The following ARSB variants were observed in gnomAD, a reference collection of about 807,000 sequenced individuals.
ARSB encodes N-acetylgalactosamine-4-sulfatase.
Under a neutral mutation model 50.9 loss-of-function variants are expected in ARSB, and 41 were observed. The ratio of observed to expected loss-of-function variants is 0.81; its 90% confidence interval spans 0.63 to 1.04. The LOEUF is 1.04. Ranked by LOEUF, ARSB falls within the 50% of genes least tolerant of loss-of-function variation. The pLI is 0.00. For synonymous variants in ARSB, 269 were observed against 284.8 expected (o/e 0.94, Z 0.56); for missense variants, 672 against 693.3 (o/e 0.97, Z 0.35).
chr5:78,849,241 T>C (rs1180023157), intron 5 of ARSB, among the ~76,000 whole-genome samples: 1 of 152,120 alleles, frequency 6.6e-6, no homozygotes, highest in Non-Finnish European at 1.5e-5. Flanking sequence ...TTAATTTTTG[T>C]ATAAGGTGTA....
rs1752333074 is a variant in ARSB, at chr5:78,969,064, G to C, written c.441C>G (p.His147Gln). The C allele has an allele frequency of 6.2e-7, 1 of 1,614,126 alleles. No homozygotes were observed. Residue 147 changes from histidine to glutamine, a missense_variant, in exon 2 of 8, where the codon CAC becomes CAG. Coordinates refer to ENST00000264914, the MANE Select transcript of ARSB (RefSeq NM_000046.5). ...GGCATTCTTTCCGGTACATTCCCAG[G>C]TGCCATTTTCCGACCATATGGGTAG... ...GYTTHMVGKW[H>Q]LGMYRKECLP...
chr5:78,970,528 G>C (rs1561534021), intron 1 of ARSB, among the ~76,000 whole-genome samples: 1 of 152,098 alleles, frequency 6.6e-6, no homozygotes, highest in Admixed American at 6.5e-5. Context: ...TTTTAAGCAA[G>C]TGCAAAACCC....
intron 4 of ARSB, among the ~76,000 whole-genome samples, chr5:78,915,365 A>G (rs1278311190): frequency 2.0e-5 from 3 of 152,146 alleles, no homozygotes; most frequent in African/African-American, 4.8e-5. Flanking sequence ...ACTAAAAGGA[A>G]AACAAGTGAT....
intron 5 of ARSB, among the ~76,000 whole-genome samples, chr5:78,873,603 C>G (rs1042726166): frequency 7.0e-6 from 1 of 143,616 alleles, no homozygotes; most frequent in East Asian, 2.0e-4. Flanking sequence ...TCACGCCATT[C>G]TCCTGCCTCA....
At chr5:78,917,507 T>C (rs1267484748) in intron 4 of ARSB, among the ~76,000 whole-genome samples, 1 of 152,006 alleles carries the variant, frequency 6.6e-6, no homozygotes, top group East Asian at 1.9e-4. Flanking sequence ...ATTGTGTTTG[T>C]TTTATTTTAT....
chr5:78,822,461 T>C lies in ARSB; in HGVS notation c.1213+16895A>G, dbSNP rs970143620. On this transcript the variant is annotated intron_variant, in intron 6 of 7. Coordinates refer to ENST00000264914, the MANE Select transcript of ARSB (RefSeq NM_000046.5). ...GTTTAGGCCCAGGAGACCTTCAGCC[T>C]GATCAGTGTTGCTTTGTTGCCTTTT... Among the ~76,000 whole-genome samples the C allele has an allele frequency of 3.3e-5, 5 of 152,354 alleles. No homozygotes were observed. In the East Asian group the frequency reaches 9.6e-4, roughly 29 times the overall value.
At chr5:78,967,621 C>T (rs1282108657) in intron 2 of ARSB, among the ~76,000 whole-genome samples, 3 of 150,414 alleles carry the variant, frequency 2.0e-5, no homozygotes, top group African/African-American at 7.4e-5. Flanking sequence ...TGCAGTGAGC[C>T]GAGATCATGA....
intron 4 of ARSB, among the ~76,000 whole-genome samples, chr5:78,894,218 T>C (rs1046717344): frequency 1.3e-5 from 2 of 152,130 alleles, no homozygotes; most frequent in East Asian, 3.8e-4. Context: ...AAAGAACAGG[T>C]GTACTAACAA....
intron 5 of ARSB, among the ~76,000 whole-genome samples, chr5:78,870,534 C>G (rs1244645542): frequency 6.7e-6 from 1 of 149,456 alleles, no homozygotes; most frequent in Non-Finnish European, 1.5e-5. Flanking sequence ...AAATGTAATC[C>G]AGCATATAAA....
intron 6 of ARSB, among the ~76,000 whole-genome samples, chr5:78,803,021 G>T (rs1743451036): frequency 6.6e-6 from 1 of 152,182 alleles, no homozygotes; most frequent in South Asian, 2.1e-4. Flanking sequence ...TAAAGAGAAG[G>T]GGGACTGTTT....
At chr5:78,932,311 G>A (rs904865796) in intron 4 of ARSB, among the ~76,000 whole-genome samples, 11 of 152,186 alleles carry the variant, frequency 7.2e-5, no homozygotes, top group Admixed American at 2.0e-4. Flanking sequence ...TCAAGGCAAC[G>A]CTAACCTTTC....
chr5:78,900,079 G>C (rs1310074700), intron 4 of ARSB, among the ~76,000 whole-genome samples: 4 of 146,422 alleles, frequency 2.7e-5, no homozygotes, highest in African/African-American at 5.5e-5. Flanking sequence ...TGTCCCAAAT[G>C]GGGGAGTCAC....
intron 4 of ARSB, among the ~76,000 whole-genome samples, chr5:78,893,199 C>T (rs1748400268): frequency 6.6e-6 from 1 of 152,100 alleles, no homozygotes; most frequent in East Asian, 1.9e-4. Context: ...TTTGTTCTTC[C>T]CTCACCTTCC....
chr5:78,878,857 CT>C (rs34688578), intron 5 of ARSB, among the ~76,000 whole-genome samples: 130,936 of 150,096 alleles, frequency 0.87, 59,107 homozygotes, highest in East Asian at 1. Flanking sequence ...CAGGAGATTG[CT>C]TTTTTTTTTT....
At chr5:78,958,543 T>A (rs1350643933) in intron 3 of ARSB, among the ~76,000 whole-genome samples, 3 of 152,222 alleles carry the variant, frequency 2.0e-5, no homozygotes, top group African/African-American at 7.2e-5. Flanking sequence ...AAATCTTTCC[T>A]ATAATTATTC....
intron 3 of ARSB, among the ~76,000 whole-genome samples, chr5:78,961,846 G>A (rs1751998554): frequency 6.6e-6 from 1 of 151,912 alleles, no homozygotes; most frequent in African/African-American, 2.4e-5. Context: ...TGTCAGTGAT[G>A]ACTGCACATT....
At chr5:78,904,919 G>A (rs980290334) in intron 4 of ARSB, among the ~76,000 whole-genome samples, 1 of 151,762 alleles carries the variant, frequency 6.6e-6, no homozygotes, top group African/African-American at 2.4e-5. Context: ...TGAACTCCTA[G>A]CCTTAAGCAA....
intron 6 of ARSB, among the ~76,000 whole-genome samples, chr5:78,800,433 G>A (rs182965964): frequency 2.6e-5 from 4 of 151,702 alleles, no homozygotes; most frequent in East Asian, 3.9e-4. Flanking sequence ...CCAGACCTCC[G>A]TTTGGGGCTG....
rs431905495 is a variant in ARSB at position 78,839,427 on chromosome 5, C to G, written c.1143-1G>C. 4 of 1,612,948 alleles carry G rather than the reference C, an allele frequency of 2.5e-6. No homozygotes were observed. In the Admixed American group the frequency reaches 5.0e-5, roughly 20 times the overall value. On this transcript the variant is annotated splice_acceptor_variant, in intron 5 of 7. Coordinates refer to ENST00000264914, the MANE Select transcript of ARSB (RefSeq NM_000046.5). LOFTEE classifies it high-confidence loss of function. Reference sequence around the variant, plus strand: ...AATTCTGGGGGATGGGCTTCCTTCACTGGAAAACAATTTTTAAGGGAATGT... The same window carrying G: ...AATTCTGGGGGATGGGCTTCCTTCAGTGGAAAACAATTTTTAAGGGAATGT...
Sources: allele counts gnomAD v4.1 joint callset (sites outside exome capture counted in the v4.1 genomes callset), GRCh38; gene constraint gnomAD v4.1.1; transcripts MANE v1.5; gene names NCBI Gene and HGNC (gene_info 2026-07-23, HGNC 2026-07-21).